The following PPP3CA variants were observed in gnomAD, a reference collection of about 807,000 sequenced individuals.
PPP3CA encodes CAM-PRP catalytic subunit.
In PPP3CA, 14 loss-of-function variants were observed where a neutral mutation model predicts 66.5. The observed-to-expected ratio is 0.21, with a 90% confidence interval of 0.14 to 0.33. The LOEUF is 0.33. PPP3CA is among the 10% of genes least tolerant of loss of function. The pLI, the probability that PPP3CA is intolerant of heterozygous loss-of-function variation, is 1.00. For synonymous variants in PPP3CA, 232 were observed against 226.2 expected (o/e 1.03, Z -0.23); for missense variants, 317 against 639.5 (o/e 0.50, Z 5.44).
intron 1 of PPP3CA, among the ~76,000 whole-genome samples, chr4:101,290,117 T>G (rs1480310949): frequency 1.3e-5 from 2 of 152,176 alleles, no homozygotes; most frequent in Non-Finnish European, 2.9e-5. Context: ...TGACATAAAG[T>G]TAAAAGTCAA....
chr4:101,209,610 A>G (rs900881555), intron 1 of PPP3CA, among the ~76,000 whole-genome samples: 1 of 152,214 alleles, frequency 6.6e-6, no homozygotes, highest in Non-Finnish European at 1.5e-5. Context: ...TTATGCACAT[A>G]ATTTTCCTAT....
intron 1 of PPP3CA, among the ~76,000 whole-genome samples, chr4:101,210,119 A>G (rs1725255834): frequency 6.6e-6 from 1 of 152,164 alleles, no homozygotes; most frequent in South Asian, 2.1e-4. Flanking sequence ...GGTCCACTCC[A>G]CCAAGCTTTC....
At chr4:101,139,052 T>A (rs1722712963) in intron 2 of PPP3CA, among the ~76,000 whole-genome samples, 1 of 152,026 alleles carries the variant, frequency 6.6e-6, no homozygotes, top group Non-Finnish European at 1.5e-5. Context: ...GTAAACAGTT[T>A]AAGGAAACTA....
chr4:101,126,800 A>G (rs1225011188), intron 2 of PPP3CA, among the ~76,000 whole-genome samples: 2 of 152,200 alleles, frequency 1.3e-5, no homozygotes, highest in African/African-American at 4.8e-5. Flanking sequence ...AACACCTTAC[A>G]TAAGTAAAAT....
chr4:101,131,117 T>A (rs1365763707), intron 2 of PPP3CA, among the ~76,000 whole-genome samples: 1 of 151,846 alleles, frequency 6.6e-6, no homozygotes, highest in Non-Finnish European at 1.5e-5. Flanking sequence ...GGGGCCTATA[T>A]TCCCAGCTCT....
intron 2 of PPP3CA, among the ~76,000 whole-genome samples, chr4:101,123,702 A>G (rs1387326975): frequency 6.6e-6 from 1 of 152,138 alleles, no homozygotes; most frequent in African/African-American, 2.4e-5. Context: ...AAGATTAACA[A>G]GGGATAGATA....
At position 101,195,957 on chromosome 4, in the gene PPP3CA, C is replaced by A. The variant is rs141696639; in HGVS notation, c.218G>T (p.Arg73Leu). Residue 73 changes from arginine to leucine, a missense_variant, in exon 2 of 14, where the codon CGA (arginine) becomes CTA (leucine). Coordinates refer to ENST00000394854, the MANE Select transcript of PPP3CA (RefSeq NM_000944.5). ...AATATCCAGCAAATTTTTTTCCTGT[C>A]GAAGAATTGATGCACCCTCTGTTAT... ...RIITEGASIL[R>L]QEKNLLDIDA... The A allele has an allele frequency of 3.1e-6, 5 of 1,613,698 alleles. No homozygotes were observed. The highest frequency in any genetic ancestry group is 3.4e-6 in the Non-Finnish European group (4 of 1,179,874).
At chr4:101,173,412 T>A (rs565500216) in intron 2 of PPP3CA, among the ~76,000 whole-genome samples, 1 of 152,142 alleles carries the variant, frequency 6.6e-6, no homozygotes. Flanking sequence ...GCTTTTTTTT[T>A]CAAACAGCAA....
At chr4:101,054,648 C>A (rs773504208) in intron 10 of PPP3CA, among the ~76,000 whole-genome samples, 2 of 152,002 alleles carry the variant, frequency 1.3e-5, no homozygotes, top group Non-Finnish European at 2.9e-5. Context: ...CTGTTAACAG[C>A]TAGACAGAAA....
chr4:101,156,945 A>G (rs968898029), intron 2 of PPP3CA, among the ~76,000 whole-genome samples: 13 of 152,214 alleles, frequency 8.5e-5, no homozygotes, highest in South Asian at 8.3e-4. Context: ...TAGAAGAGAA[A>G]GAGACAAACT....
At chr4:101,311,463 G>T (rs543285708) in intron 1 of PPP3CA, among the ~76,000 whole-genome samples, 14 of 152,122 alleles carry the variant, frequency 9.2e-5, no homozygotes, top group Non-Finnish European at 1.5e-4. Context: ...TCTCTATATT[G>T]TAAGGCAATA....
intron 1 of PPP3CA, among the ~76,000 whole-genome samples, chr4:101,271,707 A>G (rs930338695): frequency 6.6e-6 from 1 of 152,120 alleles, no homozygotes; most frequent in Non-Finnish European, 1.5e-5. Flanking sequence ...CTGTTGCTAC[A>G]TGAGTCAGCA....
intron 7 of PPP3CA, 70 bp downstream of exon 7, chr4:101,083,116 C>G: frequency 8.2e-7 from 1 of 1,222,770 alleles, no homozygotes; most frequent in South Asian, 2.3e-5. Flanking sequence ...ACCTGCAGAG[C>G]CTAAGCAAAG....
At chr4:101,144,599 C>A (rs1246292547) in intron 2 of PPP3CA, among the ~76,000 whole-genome samples, 1 of 152,122 alleles carries the variant, frequency 6.6e-6, no homozygotes, top group Non-Finnish European at 1.5e-5. Context: ...ACACATGCAT[C>A]ATAATTTTTA....
At chr4:101,185,372 C>T (rs1012317250) in intron 2 of PPP3CA, among the ~76,000 whole-genome samples, 4 of 152,240 alleles carry the variant, frequency 2.6e-5, no homozygotes, top group Admixed American at 6.5e-5. Context: ...CATTGAGGGG[C>T]ATTAGAAGGA....
intron 2 of PPP3CA, among the ~76,000 whole-genome samples, chr4:101,176,362 T>A (rs1167294125): frequency 6.6e-6 from 1 of 152,178 alleles, no homozygotes; most frequent in South Asian, 2.1e-4. Context: ...AGTAAAGTCA[T>A]CACCTTCTCC....
intron 1 of PPP3CA, among the ~76,000 whole-genome samples, chr4:101,207,060 A>G (rs192218316): frequency 3.2e-4 from 49 of 152,326 alleles, no homozygotes; most frequent in African/African-American, 1.1e-3. Flanking sequence ...AAAAAATTGC[A>G]AACATTTTGA....
At chr4:101,037,054 G>C (rs562474016) in intron 11 of PPP3CA, among the ~76,000 whole-genome samples, 1 of 152,234 alleles carries the variant, frequency 6.6e-6, no homozygotes, top group African/African-American at 2.4e-5. Context: ...CAGAGAACTG[G>C]GCTTCGATGC....
In PPP3CA at chr4:101,131,190, C is replaced by T. The variant is rs940838716; in HGVS notation, c.260-22112G>A. On this transcript the variant is annotated intron_variant, in intron 2 of 13. Coordinates refer to ENST00000394854, the MANE Select transcript of PPP3CA (RefSeq NM_000944.5). Reference sequence around the variant, plus strand: ...GTTGGAGGTTGTAGTGAACCAAGATCGCGCCATTGTACTCCAGGCTGGGTG... The same window carrying T: ...GTTGGAGGTTGTAGTGAACCAAGATTGCGCCATTGTACTCCAGGCTGGGTG... Among the ~76,000 whole-genome samples the T allele has an allele frequency of 9.9e-5, 15 of 151,458 alleles. No individual in the cohort carries two copies. In the East Asian group the frequency reaches 2.3e-3, roughly 24 times the overall value.
Sources: allele counts gnomAD v4.1 joint callset (sites outside exome capture counted in the v4.1 genomes callset), GRCh38; gene constraint gnomAD v4.1.1; transcripts MANE v1.5; gene names NCBI Gene and HGNC (gene_info 2026-07-23, HGNC 2026-07-21).